Variants in NDUFB2 observed in about 807,000 individuals in gnomAD.
The protein encoded by NDUFB2 is NADH:ubiquinone oxidoreductase subunit B2, also known as NADH dehydrogenase [ubiquinone] 1 beta subcomplex subunit 2, mitochondrial.
Under a neutral mutation model 13.4 loss-of-function variants are expected in NDUFB2, and 13 were observed. That is an observed-to-expected ratio of 0.97 (90% CI 0.63 to 1.54). The LOEUF is 1.54. Ranked by LOEUF, NDUFB2 falls within the 40% of genes most tolerant of loss-of-function variation. NDUFB2 has a pLI of 0.00. For missense variants in NDUFB2, 150 were observed against 139.7 expected (o/e 1.07, Z -0.37); for synonymous variants, 47 against 50.6 (o/e 0.93, Z 0.30).
intron 1 of NDUFB2, chr7:140,701,932 G>A (rs921796786): frequency 1.6e-5 from 10 of 618,466 alleles, no homozygotes; most frequent in African/African-American, 7.4e-5. Flanking sequence ...TGAGACTCTC[G>A]CAAACAAACA....
chr7:140,705,691 T>TA (rs2130803210), intron 3 of NDUFB2: 1 of 152,310 alleles, frequency 6.6e-6, no homozygotes, highest in South Asian at 2.1e-4. Flanking sequence ...TGATCAAAGA[T>TA]ATATTAAGAC....
At chr7:140,701,945 CAA>C (rs1264313771) in intron 1 of NDUFB2, 1 of 638,846 alleles carries the variant, frequency 1.6e-6, no homozygotes. Context: ...AACAAACAAA[CAA>C]AGAAAACAAA....
In NDUFB2 at chr7:140,696,752, C is replaced by G; in HGVS notation, c.8C>G (p.Ala3Gly). 1 of 1,596,688 alleles carries G rather than the reference C, an allele frequency of 6.3e-7. No individual in the cohort carries two copies. The highest frequency in any genetic ancestry group is 8.5e-7 in the Non-Finnish European group (1 of 1,172,530). Residue 3 changes from alanine (A) to glycine (G), a missense_variant, in exon 1 of 4, where the codon GCT becomes GGT. By Grantham distance (60) the Ala-to-Gly change is moderately conservative. Coordinates refer to ENST00000247866, the MANE Select transcript of NDUFB2 (RefSeq NM_004546.3). ...GGGCGGACGGGAGCGAGTATGTCCG[C>G]TCTGACTCGGCTGGCGTCTTTCGCT... MSALTRLASFARV... is the reference protein window; with the variant it reads MSGLTRLASFARV...
rs748128195 is a variant in NDUFB2 at position 140,702,986 on chromosome 7, T to C, written c.219T>C (p.Phe73=). 2 of 1,614,002 alleles carry C rather than the reference T, an allele frequency of 1.2e-6. No individual in the cohort carries two copies. Among genetic ancestry groups the C allele is most frequent in the East Asian group, 4.5e-5 (2 of 44,896 alleles). ...GLMWFWILWR[F]WHDSEEVLGH... ...TGTGGTTCTGGATTCTCTGGCGCTT[T>C]TGGCATGACTCAGAAGAGGTGCTGG... Residue 73 remains phenylalanine, a synonymous_variant, in exon 2 of 4, where the codon TTT becomes TTC. Transcript: ENST00000247866.
At position 140,696,838 on chromosome 7, in the gene NDUFB2, C is replaced by A; in HGVS notation, c.94C>A (p.Arg32Ser). The A allele has an allele frequency of 6.2e-7, 1 of 1,604,436 alleles. No individual in the cohort carries two copies. The highest frequency in any genetic ancestry group is 1.1e-5 in the South Asian group (1 of 89,536). Reference sequence around the variant, plus strand: ...ACGGACTGCTGGAGATGGTGGAGTCCGTCAGTGAGTGTGGGGCTGGGGATG... The same window carrying A: ...ACGGACTGCTGGAGATGGTGGAGTCAGTCAGTGAGTGTGGGGCTGGGGATG... ...CARTAGDGGVRHAGGGVHIEP... is the reference protein window; with the variant it reads ...CARTAGDGGVSHAGGGVHIEP... Residue 32 changes from arginine to serine, a missense_variant, in exon 1 of 4, where the codon CGT becomes AGT. Physicochemically the swap from Arg to Ser is moderately radical, Grantham distance 110. Transcript: ENST00000247866.
chr7:140,697,127 T>C, intron 1 of NDUFB2: 1 of 591,692 alleles, frequency 1.7e-6, no homozygotes. Context: ...CGGAGCGGGC[T>C]GAGCCAGTCG....
At chr7:140,699,126 C>T (rs1794861725) in intron 1 of NDUFB2, among the ~76,000 whole-genome samples, 1 of 152,122 alleles carries the variant, frequency 6.6e-6, no homozygotes, top group Admixed American at 6.5e-5. Flanking sequence ...CCACTGCATT[C>T]CAGCCTGGGT....
At chr7:140,699,628 A>G (rs558836140) in intron 1 of NDUFB2, among the ~76,000 whole-genome samples, 49 of 151,938 alleles carry the variant, frequency 3.2e-4, no homozygotes, top group African/African-American at 1.2e-3. Context: ...GGTGGGCCCC[A>G]GGCTGCGTCT....
At chr7:140,697,355 GGGA>G in intron 1 of NDUFB2, 1 of 702,968 alleles carries the variant, frequency 1.4e-6, no homozygotes. Flanking sequence ...TCTGGCTGCA[GGGA>G]GTGGAGGCTG....
chr7:140,704,978 A>G lies in NDUFB2; in HGVS notation c.*29+15A>G. On this transcript the variant is annotated intron_variant, in intron 3 of 3. Coordinates refer to ENST00000247866, the MANE Select transcript of NDUFB2 (RefSeq NM_004546.3). ...ACTCTGTACAAGTGGGTGTGCTCCA[A>G]ATTTCTTTATGTCATATTTACCTTT... is the stretch of plus-strand genomic sequence containing the variant. 8 of 1,341,120 alleles carry G rather than the reference A, an allele frequency of 6.0e-6. No individual in the cohort carries two copies. The highest frequency in any genetic ancestry group is 1.9e-4 in the Middle Eastern group (1 of 5,280). 83.1% of individuals were successfully genotyped at this position (1,341,120 alleles called of 1,614,324 possible). A position where few individuals can be genotyped will look rare whatever the true frequency, so the allele number is the denominator to read the frequency against.
At chr7:140,702,776 T>G in intron 1 of NDUFB2, 90 bp from the exon 2 acceptor site, 2 of 1,404,706 alleles carry the variant, frequency 1.4e-6, no homozygotes, top group Non-Finnish European at 2.0e-6. Context: ...AACATTAGCG[T>G]TGGTTCTAGG....
At chr7:140,700,208 C>T (rs1262974080) in intron 1 of NDUFB2, 1 of 152,094 alleles carries the variant, frequency 6.6e-6, no homozygotes, top group Non-Finnish European at 1.5e-5. Flanking sequence ...ACCACATCCT[C>T]TGTCTCCCAG....
chr7:140,700,465 C>T (rs1794880798), intron 1 of NDUFB2, among the ~76,000 whole-genome samples: 1 of 151,526 alleles, frequency 6.6e-6, no homozygotes, highest in South Asian at 2.1e-4. Flanking sequence ...GGCACTTATA[C>T]CTAGATTGTA....
chr7:140,703,075 G>A, intron 2 of NDUFB2, 65 bp downstream of exon 2: 1 of 1,583,048 alleles, frequency 6.3e-7, no homozygotes. Flanking sequence ...TTAATAGCTT[G>A]TTTATTTTTC....
chr7:140,700,798 A>T (rs1794887188), intron 1 of NDUFB2: 2 of 152,040 alleles, frequency 1.3e-5, no homozygotes, highest in South Asian at 4.2e-4. Context: ...AAAAAAAAAA[A>T]AAAGCTCTTG....
chr7:140,704,762 G>GT (rs75730176), intron 2 of NDUFB2, 98 bp from the exon 3 acceptor site: 91,514 of 588,570 alleles, frequency 0.16, 1 homozygote, highest in East Asian at 0.19. Flanking sequence ...GAGCCATATT[G>GT]TTTTTTTTTT....
At position 140,696,810 on chromosome 7, in the gene NDUFB2, C is replaced by T. The variant is rs1440545401; in HGVS notation, c.66C>T (p.Cys22=). 2 of 1,609,046 alleles carry T rather than the reference C, an allele frequency of 1.2e-6. No homozygotes were observed. Among genetic ancestry groups the T allele is most frequent in the Admixed American group, 3.4e-5 (2 of 59,486 alleles). The change falls in exon 1 of 4, where the codon TGC becomes TGT. Residue 22 remains cysteine (C), a synonymous_variant. Coordinates refer to ENST00000247866, the MANE Select transcript of NDUFB2 (RefSeq NM_004546.3). ...RVGGRLFRSG[C]ARTAGDGGVR... ...GAGGCCGCCTTTTCAGAAGCGGCTG[C>T]GCACGGACTGCTGGAGATGGTGGAG...
At chr7:140,698,129 A>T in intron 1 of NDUFB2, 3 of 1,351,872 alleles carry the variant, frequency 2.2e-6, no homozygotes, top group Non-Finnish European at 2.0e-6. Context: ...CACATGGATG[A>T]AGAATCTGGA....
chr7:140,696,874 C>T (rs1341069217), intron 1 of NDUFB2, 32 bp downstream of exon 1: 3 of 1,562,368 alleles, frequency 1.9e-6, no homozygotes, highest in Non-Finnish European at 2.6e-6. Flanking sequence ...GGGGCCTCGC[C>T]GGCCTGTAGC....
Sources: allele counts gnomAD v4.1 joint callset (sites outside exome capture counted in the v4.1 genomes callset), GRCh38; gene constraint gnomAD v4.1.1; transcripts MANE v1.5; gene names NCBI Gene and HGNC (gene_info 2026-07-23, HGNC 2026-07-21).